Variants in FAM117B observed in about 807,000 individuals in gnomAD.
FAM117B encodes family with sequence similarity 117 member B.
FAM117B carries 22 observed loss-of-function variants against 52.8 expected under a neutral mutation model. The observed-to-expected ratio is 0.42, with a 90% CI of 0.30 to 0.59. The LOEUF (loss-of-function observed/expected upper bound fraction) is 0.59, where lower values mean the gene tolerates loss of function less well. Ranked by LOEUF, FAM117B falls within the 20% of genes least tolerant of loss-of-function variation. The pLI is 0.22. For synonymous variants in FAM117B, 309 were observed against 324.1 expected, an observed-to-expected ratio of 0.95 and a Z score of 0.50; for missense variants, 678 against 802.6, an observed-to-expected ratio of 0.84 and a Z score of 1.88.
intron 1 of FAM117B, among the ~76,000 whole-genome samples, chr2:202,685,742 G>T (rs1016247775): frequency 6.6e-6 from 1 of 152,094 alleles, no homozygotes; most frequent in Non-Finnish European, 1.5e-5. Flanking sequence ...ATAGGGGAGG[G>T]GGATAATCCC....
intron 1 of FAM117B, among the ~76,000 whole-genome samples, chr2:202,644,053 GTTTT>G (rs1219743876): frequency 1.7e-5 from 1 of 60,152 alleles, no homozygotes; most frequent in Non-Finnish European, 3.0e-5. Context: ...TTTAGGAGCT[GTTTT>G]TTTTTTGTTT....
intron 1 of FAM117B, among the ~76,000 whole-genome samples, chr2:202,674,353 T>C (rs896206772): frequency 9.8e-5 from 15 of 152,366 alleles, no homozygotes; most frequent in African/African-American, 3.6e-4. Context: ...CGTACATATA[T>C]GTTTTCACTT....
chr2:202,712,967 A>G (rs1376312948), intron 2 of FAM117B, among the ~76,000 whole-genome samples: 1 of 152,172 alleles, frequency 6.6e-6, no homozygotes, highest in Non-Finnish European at 1.5e-5. Flanking sequence ...TTTTGCATCA[A>G]TATTCATCAG....
At chr2:202,664,065 T>C (rs1307615384) in intron 1 of FAM117B, among the ~76,000 whole-genome samples, 1 of 152,212 alleles carries the variant, frequency 6.6e-6, no homozygotes, top group African/African-American at 2.4e-5. Context: ...TATCAGTGAA[T>C]CTAGAAAACT....
chr2:202,661,839 C>T (rs1690132069), intron 1 of FAM117B, among the ~76,000 whole-genome samples: 1 of 151,516 alleles, frequency 6.6e-6, no homozygotes, highest in Non-Finnish European at 1.5e-5. Flanking sequence ...TAGCTTGAAC[C>T]CGGGAGGCGG....
chr2:202,720,364 A>G (rs1691131215), intron 2 of FAM117B, among the ~76,000 whole-genome samples: 1 of 152,032 alleles, frequency 6.6e-6, no homozygotes, highest in African/African-American at 2.4e-5. Flanking sequence ...CTGTGATTCA[A>G]GAGTTTTAAA....
intron 1 of FAM117B, among the ~76,000 whole-genome samples, chr2:202,667,581 A>G (rs11694172): frequency 0.19 from 28,176 of 152,140 alleles, 3,315 homozygotes; most frequent in South Asian, 0.38. Flanking sequence ...ATAATTATGT[A>G]GAGAGGAATA....
intron 1 of FAM117B, among the ~76,000 whole-genome samples, chr2:202,657,882 T>C (rs978397548): frequency 6.6e-6 from 1 of 152,228 alleles, no homozygotes; most frequent in Non-Finnish European, 1.5e-5. Context: ...TTTTTGACTC[T>C]TTGTATGTTT....
rs1258933955 is a variant in FAM117B, at chr2:202,769,747, GTTC to G, written c.*3989_*3991del. 3.3e-5 allele frequency: 5 copies of G among 152,428 alleles called. No homozygotes were observed. Among genetic ancestry groups the G allele is most frequent in the African/African-American group, 4.8e-5 (2 of 41,400 alleles). The allele number at this position is 152,428 out of a possible 1,614,324, so 9.4% of individuals were successfully genotyped here. A position where few individuals can be genotyped will look rare whatever the true frequency, so the allele number is the denominator to read the frequency against. On this transcript the variant is annotated 3_prime_UTR_variant, in exon 8 of 8. Coordinates refer to ENST00000392238, the MANE Select transcript of FAM117B (RefSeq NM_173511.4). ...AACTTTTATGTTAAAAATAAAGTCT[GTTC>G]TTCTTGAGTTTTTTTCTGTGAATTT...
chr2:202,640,204 G>A (rs1393650679), intron 1 of FAM117B, among the ~76,000 whole-genome samples: 1 of 148,856 alleles, frequency 6.7e-6, no homozygotes, highest in African/African-American at 2.5e-5. Flanking sequence ...CCAGAAGGTG[G>A]AGGTTGCAGT....
chr2:202,649,205 C>T (rs574532839), intron 1 of FAM117B, among the ~76,000 whole-genome samples: 2 of 152,136 alleles, frequency 1.3e-5, no homozygotes, highest in Non-Finnish European at 2.9e-5. Context: ...ATCATTTCAT[C>T]TTACTATTAT....
chr2:202,648,523 C>CA (rs919097208), intron 1 of FAM117B, among the ~76,000 whole-genome samples: 6 of 128,376 alleles, frequency 4.7e-5, no homozygotes, highest in East Asian at 2.8e-4. Context: ...TCCCCACCCC[C>CA]CCCCCAAAAC....
chr2:202,642,134 T>TA (rs1297372920), intron 1 of FAM117B, among the ~76,000 whole-genome samples: 15 of 146,126 alleles, frequency 1.0e-4, no homozygotes, highest in African/African-American at 3.8e-4. Flanking sequence ...TTTTTTTTTT[T>TA]AGTAGAGACG....
intron 2 of FAM117B, among the ~76,000 whole-genome samples, chr2:202,723,480 A>G (rs1691184006): frequency 6.6e-6 from 1 of 152,132 alleles, no homozygotes; most frequent in African/African-American, 2.4e-5. Context: ...ACACACATGC[A>G]TTCTTTTTAG....
At chr2:202,729,998 C>T (rs1367591972) in intron 4 of FAM117B, among the ~76,000 whole-genome samples, 2 of 151,994 alleles carry the variant, frequency 1.3e-5, no homozygotes, top group East Asian at 3.9e-4. Context: ...TTTAGTGATC[C>T]AAGTAAGAAA....
At chr2:202,737,275 G>A (rs1012176824) in intron 4 of FAM117B, among the ~76,000 whole-genome samples, 1 of 152,090 alleles carries the variant, frequency 6.6e-6, no homozygotes, top group African/African-American at 2.4e-5. Context: ...ATATGACCCT[G>A]TCATCTTTTT....
chr2:202,738,738 A>G (rs1691478732), intron 4 of FAM117B, among the ~76,000 whole-genome samples: 1 of 152,134 alleles, frequency 6.6e-6, no homozygotes, highest in Non-Finnish European at 1.5e-5. Context: ...TTCAATGTAA[A>G]ATGGGGGTAG....
chr2:202,684,489 C>A (rs1312142824), intron 1 of FAM117B, among the ~76,000 whole-genome samples: 3 of 152,102 alleles, frequency 2.0e-5, no homozygotes, highest in African/African-American at 4.8e-5. Context: ...TTCTTCAGCT[C>A]TCGTGTTATA....
chr2:202,650,804 A>G (rs777786639), intron 1 of FAM117B, among the ~76,000 whole-genome samples: 1 of 152,172 alleles, frequency 6.6e-6, no homozygotes, highest in Non-Finnish European at 1.5e-5. Flanking sequence ...AGACTCAGCA[A>G]GTCCGCTCTT....
Sources: gnomAD v4.1 joint callset for allele counts (sites outside exome capture counted in the v4.1 genomes callset) on GRCh38, gnomAD v4.1.1 for gene constraint, MANE v1.5 for transcripts, NCBI Gene and HGNC (gene_info 2026-07-23, HGNC 2026-07-21) for gene names.